Variants in RHOU observed in about 807,000 individuals in gnomAD.
RHOU encodes ras homolog family member U.
Under a neutral mutation model 12.6 loss-of-function variants are expected in RHOU, and 8 were observed. The observed-to-expected ratio is 0.64, with a 90% CI of 0.37 to 1.15. The LOEUF (loss-of-function observed/expected upper bound fraction) is 1.15. Among genes scored for constraint, RHOU ranks in the 50% most tolerant of loss-of-function variants. The probability of loss-of-function intolerance (pLI) is 0.01; values close to 1 mark genes in which losing one functional copy is unlikely to be tolerated. For missense variants in RHOU, 258 were observed against 347.0 expected, an observed-to-expected ratio of 0.74 and a Z score of 2.04; for synonymous variants, 161 against 147.4, an observed-to-expected ratio of 1.09 and a Z score of -0.67.
the RHOU span, among the ~76,000 whole-genome samples, chr1:228,679,646 G>C: frequency 6.6e-6 from 1 of 152,078 alleles, no homozygotes; most frequent in East Asian, 1.9e-4. Flanking sequence ...AGAGTTTATA[G>C]GCTTTAAAAG....
chr1:228,715,948 T>C, the RHOU span, among the ~76,000 whole-genome samples: 1 of 150,402 alleles, frequency 6.6e-6, no homozygotes, highest in East Asian at 2.0e-4. Context: ...AAGGTCTCAC[T>C]CTGTCACTCA....
the RHOU span, among the ~76,000 whole-genome samples, chr1:228,727,296 C>T: frequency 6.6e-6 from 1 of 152,088 alleles, no homozygotes; most frequent in Non-Finnish European, 1.5e-5. Flanking sequence ...AGTAGACACT[C>T]ATTTCTTCTC....
At chr1:228,655,312 C>T in the RHOU span, among the ~76,000 whole-genome samples, 1 of 152,086 alleles carries the variant, frequency 6.6e-6, no homozygotes, top group Non-Finnish European at 1.5e-5. Flanking sequence ...CCATCTTGGC[C>T]AGGCTGGTCT....
the RHOU span, among the ~76,000 whole-genome samples, chr1:228,668,235 G>C: frequency 2.6e-5 from 4 of 152,326 alleles, no homozygotes; most frequent in South Asian, 8.3e-4. Flanking sequence ...GGACCTTGCT[G>C]TATATACCTT....
the RHOU span, among the ~76,000 whole-genome samples, chr1:228,677,806 G>A: frequency 1.3e-5 from 2 of 152,140 alleles, no homozygotes; most frequent in African/African-American, 4.8e-5. Context: ...GTAAAACCAG[G>A]AGCCACTAAA....
the RHOU span, among the ~76,000 whole-genome samples, chr1:228,703,241 T>C: frequency 1.3e-5 from 2 of 152,134 alleles, no homozygotes; most frequent in Non-Finnish European, 2.9e-5. Flanking sequence ...TAAAAGTGTT[T>C]TGGGGCCAGG....
chr1:228,746,236 A>G lies in RHOU; in HGVS notation c.*2496A>G, dbSNP rs1457931015. The G allele has an allele frequency of 7.2e-5, 11 of 152,200 alleles. No individual in the cohort carries two copies. Among genetic ancestry groups the G allele is most frequent in the Admixed American group, 7.2e-4 (11 of 15,280 alleles). The allele number at this position is 152,200 out of a possible 1,614,324, so 9.4% of individuals were successfully genotyped here. A position where few individuals can be genotyped will look rare whatever the true frequency, so the allele number is the denominator to read the frequency against. The stretch of plus-strand genomic sequence containing the variant: ...TTGGGGCCGAAAATGTTTTTAAAGT[A>G]TGTGTTTGAGTTAAATATAAAGTTG... On this transcript the variant is annotated 3_prime_UTR_variant, in exon 3 of 3. Transcript: ENST00000366691.
the RHOU span, among the ~76,000 whole-genome samples, chr1:228,721,016 C>T: frequency 3.3e-5 from 5 of 152,266 alleles, no homozygotes; most frequent in South Asian, 2.1e-4. Context: ...TAGAATTTAT[C>T]GCCTTGGGGG....
At chr1:228,709,400 T>C in the RHOU span, among the ~76,000 whole-genome samples, 2 of 148,978 alleles carry the variant, frequency 1.3e-5, no homozygotes, top group African/African-American at 4.9e-5. Context: ...ATTGACCACA[T>C]AGTTGGAAGT....
chr1:228,653,781 A>G, the RHOU span, among the ~76,000 whole-genome samples: 4 of 152,116 alleles, frequency 2.6e-5, no homozygotes, highest in Non-Finnish European at 4.4e-5. Flanking sequence ...ATCTGAAATT[A>G]CAATGTAGCC....
At chr1:228,715,861 A>T in the RHOU span, among the ~76,000 whole-genome samples, 1 of 150,170 alleles carries the variant, frequency 6.7e-6, no homozygotes. Context: ...GATGTGATTC[A>T]TGATAGAAAT....
the RHOU span, among the ~76,000 whole-genome samples, chr1:228,663,269 G>A: frequency 6.6e-6 from 1 of 152,098 alleles, no homozygotes; most frequent in Non-Finnish European, 1.5e-5. Context: ...ATTTCCCCTT[G>A]CTTTAGACAC....
the RHOU span, among the ~76,000 whole-genome samples, chr1:228,648,313 T>C: frequency 6.6e-6 from 1 of 152,198 alleles, no homozygotes; most frequent in Non-Finnish European, 1.5e-5. Flanking sequence ...GCCAGAGGCC[T>C]TTTCCCCTGC....
chr1:228,693,731 G>A, the RHOU span, among the ~76,000 whole-genome samples: 6 of 152,274 alleles, frequency 3.9e-5, 1 homozygote, highest in Middle Eastern at 6.8e-3. Context: ...CTCCCAAAGT[G>A]CTGGGATTAC....
the RHOU span, among the ~76,000 whole-genome samples, chr1:228,673,363 T>A: frequency 6.6e-6 from 1 of 152,256 alleles, no homozygotes; most frequent in Non-Finnish European, 1.5e-5. Flanking sequence ...TTTGCAGTTG[T>A]AAGTTGGTTT....
the RHOU span, among the ~76,000 whole-genome samples, chr1:228,703,690 T>TCTCTATAC: frequency 1.3e-5 from 2 of 152,170 alleles, no homozygotes; most frequent in Admixed American, 6.5e-5. Flanking sequence ...ATTAAAGCAT[T>TCTCTATAC]CTCTATACCT....
chr1:228,735,815 C>T lies in RHOU; in HGVS notation c.73C>T (p.Arg25Cys). Reference sequence around the variant, plus strand: ...GCCTCCGGTGCCGCCGCGTCGGGAGCGCGGTGGACGCGGGGGACGCGGGCC... The same window carrying T: ...GCCTCCGGTGCCGCCGCGTCGGGAGTGCGGTGGACGCGGGGGACGCGGGCC... ...EAPPVPPRRE[R>C]GGRGGRGPGE... is the part of the protein sequence containing the mutation. The change falls in exon 1 of 3, where the codon CGC becomes TGC. Residue 25 changes from arginine (R) to cysteine (C), a missense_variant. By Grantham distance (180) the Arg-to-Cys change is radical. Coordinates refer to ENST00000366691, the MANE Select transcript of RHOU (RefSeq NM_021205.6). The surrounding 1 kb of genome is among the most constrained non-coding windows in gnomAD (Gnocchi z 8.1). 1 of 1,222,294 alleles carries T rather than the reference C, an allele frequency of 8.2e-7. No individual in the cohort carries two copies. The highest frequency in any genetic ancestry group is 1.0e-6 in the Non-Finnish European group (1 of 982,806). 75.7% of individuals were successfully genotyped at this position (1,222,294 alleles called of 1,614,324 possible).
At chr1:228,662,273 G>A in the RHOU span, among the ~76,000 whole-genome samples, 41 of 152,194 alleles carry the variant, frequency 2.7e-4, no homozygotes, top group African/African-American at 9.4e-4. Context: ...ACAGTGTGGC[G>A]ATTCCTCAAG....
the RHOU span, among the ~76,000 whole-genome samples, chr1:228,725,615 A>G: frequency 6.6e-6 from 1 of 152,238 alleles, no homozygotes; most frequent in East Asian, 1.9e-4. Flanking sequence ...GCATCTTCAG[A>G]TCTAGACAGG....
Sources: allele counts gnomAD v4.1 joint callset (sites outside exome capture counted in the v4.1 genomes callset), GRCh38; gene constraint gnomAD v4.1.1; non-coding constraint Gnocchi (gnomAD v3.1); transcripts MANE v1.5; gene names NCBI Gene and HGNC (gene_info 2026-07-23, HGNC 2026-07-21).